FBXO36: variants seen among roughly 807,000 people sequenced by gnomAD.
FBXO36 encodes the protein F-box only protein 36.
In FBXO36, 18 loss-of-function variants were observed where a neutral mutation model predicts 17.0. The observed-to-expected ratio is 1.06, with a 90% CI of 0.73 to 1.57. The LOEUF is 1.57. Ranked by LOEUF, FBXO36 falls within the 40% of genes most tolerant of loss-of-function variation. FBXO36 has a pLI of 0.00. For missense variants in FBXO36, 229 were observed against 221.9 expected (o/e 1.03, Z -0.20); for synonymous variants, 83 against 85.3 (o/e 0.97, Z 0.15).
intron 1 of FBXO36, among the ~76,000 whole-genome samples, chr2:229,931,011 C>G (rs920746983): frequency 6.6e-6 from 1 of 152,090 alleles, no homozygotes; most frequent in African/African-American, 2.4e-5. Context: ...AAAATGATTC[C>G]CAAACATTGT....
chr2:229,977,720 A>G (rs62191707), intron 2 of FBXO36, among the ~76,000 whole-genome samples: 48,390 of 151,456 alleles, frequency 0.32, 8,028 homozygotes, highest in Middle Eastern at 0.45. Context: ...AGAGTGCTGG[A>G]ATTACAGGCG....
chr2:229,946,074 A>G (rs2077025749), intron 1 of FBXO36, among the ~76,000 whole-genome samples: 1 of 151,984 alleles, frequency 6.6e-6, no homozygotes, highest in Non-Finnish European at 1.5e-5. Flanking sequence ...AAGGAAGTAA[A>G]ACAGGAGTAA....
At chr2:229,981,208 G>T (rs1451842856) in intron 2 of FBXO36, among the ~76,000 whole-genome samples, 2 of 152,134 alleles carry the variant, frequency 1.3e-5, no homozygotes, top group Admixed American at 6.6e-5. Context: ...CTGATACAAA[G>T]TCAGGCGCAG....
Position 229,962,267 on chromosome 2 carries a change from T to C in FBXO36, c.97-13974T>C, listed in dbSNP as rs373193250. Among the ~76,000 whole-genome samples, 13 of 152,210 alleles carry C rather than the reference T, an allele frequency of 8.5e-5. 1 individual carries two copies. The South Asian group carries it at 2.7e-3, about 32-fold the overall frequency. ...ACTGTTGCAATGTAGGGTATATTTCTTCCCATATTCATTTTCTAACTACTT... is the reference window on the plus strand; with the variant it reads ...ACTGTTGCAATGTAGGGTATATTTCCTCCCATATTCATTTTCTAACTACTT... On this transcript the variant is annotated intron_variant, in intron 1 of 3. Transcript: ENST00000283946.
intron 1 of FBXO36, among the ~76,000 whole-genome samples, chr2:229,938,720 G>C (rs1332858094): frequency 7.4e-6 from 1 of 134,400 alleles, no homozygotes; most frequent in Non-Finnish European, 1.6e-5. Context: ...CACCGCGCCC[G>C]GCCGGATGCA....
chr2:230,010,738 A>G lies in FBXO36; in HGVS notation c.421A>G (p.Thr141Ala). ...ACTGTGGGAACAGATAGTCCAGTCG[A>G]CCTGCGACACCATCACTCCTGACGT... is the stretch of plus-strand genomic sequence containing the variant. ...DKLWEQIVQS[T>A]CDTITPDVRA... is the part of the protein sequence containing the mutation. The change falls in exon 4 of 4, where the codon ACC becomes GCC. Residue 141 changes from threonine (T) to alanine (A), a missense_variant. Transcript: ENST00000283946. 1 of 1,613,704 alleles carries G rather than the reference A, an allele frequency of 6.2e-7. No homozygotes were observed. Among genetic ancestry groups the G allele is most frequent in the Non-Finnish European group, 8.5e-7 (1 of 1,179,642 alleles).
chr2:229,924,587 A>G (rs769450958), intron 1 of FBXO36, among the ~76,000 whole-genome samples: 1 of 152,088 alleles, frequency 6.6e-6, no homozygotes, highest in African/African-American at 2.4e-5. Flanking sequence ...TTTTACAAGT[A>G]TGCTTCATTT....
chr2:229,938,768 T>TC (rs1309941966), intron 1 of FBXO36, among the ~76,000 whole-genome samples: 1 of 143,000 alleles, frequency 7.0e-6, no homozygotes, highest in South Asian at 2.2e-4. Context: ...TTTTTTTTTT[T>TC]TTTCCCCCGA....
intron 3 of FBXO36, among the ~76,000 whole-genome samples, chr2:230,005,626 C>G (rs1279444094): frequency 6.6e-6 from 1 of 152,120 alleles, no homozygotes; most frequent in East Asian, 1.9e-4. Context: ...AAGTATGTAC[C>G]TTGGGTCACA....
chr2:230,005,567 T>G (rs959571846), intron 3 of FBXO36, among the ~76,000 whole-genome samples: 2 of 152,242 alleles, frequency 1.3e-5, no homozygotes, highest in African/African-American at 2.4e-5. Context: ...ATATAGGTAG[T>G]ATACTGGGAC....
In FBXO36 at chr2:230,012,790, C is replaced by T. The variant is rs2077422286; in HGVS notation, c.*1906C>T. 1 of 151,702 alleles carries T rather than the reference C, an allele frequency of 6.6e-6. No individual in the cohort carries two copies. Among genetic ancestry groups the T allele is most frequent in the Non-Finnish European group, 1.5e-5 (1 of 67,864 alleles). The allele number at this position is 151,702 out of a possible 1,614,324, so 9.4% of individuals were successfully genotyped here. ...ATATGTAACTGTAACTTATTGGTAA[C>T]ATCAGTGCAAGATGATTAAAGCTTC... is the stretch of plus-strand genomic sequence containing the variant. On this transcript the variant is annotated 3_prime_UTR_variant, in exon 4 of 4. Coordinates refer to ENST00000283946, the MANE Select transcript of FBXO36 (RefSeq NM_174899.5).
chr2:229,959,461 C>G (rs985898422), intron 1 of FBXO36, among the ~76,000 whole-genome samples: 1 of 152,158 alleles, frequency 6.6e-6, no homozygotes, highest in Non-Finnish European at 1.5e-5. Flanking sequence ...GTGTAAACAT[C>G]CAAGTTTTTA....
At chr2:229,993,204 T>C (rs919970248) in intron 2 of FBXO36, among the ~76,000 whole-genome samples, 3 of 152,182 alleles carry the variant, frequency 2.0e-5, no homozygotes, top group African/African-American at 7.2e-5. Context: ...GGGGGAAAAT[T>C]TGTATCTGTA....
At chr2:229,983,991 C>T (rs371203141) in intron 2 of FBXO36, among the ~76,000 whole-genome samples, 5 of 152,272 alleles carry the variant, frequency 3.3e-5, no homozygotes, top group South Asian at 2.1e-4. Flanking sequence ...TCCCCAGAGA[C>T]GACCATTCTA....
intron 2 of FBXO36, among the ~76,000 whole-genome samples, chr2:229,995,908 T>C (rs1035403929): frequency 6.6e-6 from 1 of 151,786 alleles, no homozygotes; most frequent in Non-Finnish European, 1.5e-5. Flanking sequence ...CTATTTTTTT[T>C]TTTTCCTATC....
intron 1 of FBXO36, among the ~76,000 whole-genome samples, chr2:229,961,676 A>G (rs1322990856): frequency 6.6e-6 from 1 of 152,122 alleles, no homozygotes; most frequent in Non-Finnish European, 1.5e-5. Flanking sequence ...GCCCAGCCAC[A>G]TTTATTTTAC....
intron 1 of FBXO36, among the ~76,000 whole-genome samples, chr2:229,955,910 C>G (rs760200611): frequency 6.6e-6 from 1 of 152,134 alleles, no homozygotes; most frequent in Admixed American, 6.6e-5. Flanking sequence ...GGATTCAGGT[C>G]CCACTGAGCA....
In FBXO36 at chr2:230,013,084, A is replaced by G. The variant is rs975128985; in HGVS notation, c.*2200A>G. ...TGTTAAATAATAGCTAAAATAATAC[A>G]GATTATTAAATTATTTTAATACTTA... On this transcript the variant is annotated 3_prime_UTR_variant, in exon 4 of 4. Coordinates refer to ENST00000283946, the MANE Select transcript of FBXO36 (RefSeq NM_174899.5). The G allele has an allele frequency of 6.6e-6, 1 of 151,746 alleles. No individual in the cohort carries two copies. Among genetic ancestry groups the G allele is most frequent in the African/African-American group, 2.4e-5 (1 of 41,436 alleles). 9.4% of individuals were successfully genotyped at this position (151,746 alleles called of 1,614,324 possible).
intron 1 of FBXO36, chr2:229,973,511 A>C (rs2077191736): frequency 6.6e-6 from 1 of 152,006 alleles, no homozygotes; most frequent in Non-Finnish European, 1.5e-5. Context: ...TCATGAGGTC[A>C]GGAGTTTGAG....
Sources: gnomAD v4.1 joint callset for allele counts (sites outside exome capture counted in the v4.1 genomes callset) on GRCh38, gnomAD v4.1.1 for gene constraint, MANE v1.5 for transcripts, NCBI Gene and HGNC (gene_info 2026-07-23, HGNC 2026-07-21) for gene names.